Variants in USH2A observed in about 807,000 individuals in gnomAD.
The protein encoded by USH2A is usherin, also known as Usher syndrome 2A (autosomal recessive, mild).
In USH2A, 443 loss-of-function variants were observed where a neutral mutation model predicts 538.9. The ratio of observed to expected loss-of-function variants is 0.82; its 90% CI spans 0.76 to 0.89. USH2A has a LOEUF of 0.89. Ranked by LOEUF, USH2A falls within the 40% of genes least tolerant of loss-of-function variation. USH2A has a pLI of 0.00. For synonymous variants in USH2A, 2,413 were observed against 2,273.5 expected (o/e 1.06, Z -1.75); for missense variants, 6,633 against 6,324.8 (o/e 1.05, Z -1.65).
chr1:215,630,519 TATATATATGA>T (rs1252101285), intron 70 of USH2A, among the ~76,000 whole-genome samples: 46 of 107,520 alleles, frequency 4.3e-4, no homozygotes, highest in African/African-American at 1.4e-3. Flanking sequence ...TATATATATA[TATATATATGA>T]GAGAGAGAAA....
intron 4 of USH2A, among the ~76,000 whole-genome samples, chr1:216,348,302 C>A (rs985412188): frequency 6.6e-6 from 1 of 152,052 alleles, no homozygotes; most frequent in South Asian, 2.1e-4. Context: ...GTGTGCTTTC[C>A]TTTAAGGAAT....
At chr1:216,351,895 CT>C (rs1316183724) in intron 4 of USH2A, among the ~76,000 whole-genome samples, 7 of 151,878 alleles carry the variant, frequency 4.6e-5, no homozygotes, top group African/African-American at 1.7e-4. Flanking sequence ...GACTCCAAAT[CT>C]TTTTCTCTGT....
rs930672000 is a variant in USH2A, at chr1:215,773,492, GTCTCTC to G, written c.10939+6345_10939+6350del. 9.5e-5 allele frequency among the ~76,000 whole-genome samples: 8 copies of G among 84,476 alleles called. No homozygotes were observed. In the South Asian group the frequency reaches 9.9e-4, roughly 10 times the overall value. 55.4% of individuals were successfully genotyped at this position (84,476 alleles called of 152,430 possible). On this transcript the variant is annotated intron_variant, in intron 55 of 71. Coordinates refer to ENST00000307340, the MANE Select transcript of USH2A (RefSeq NM_206933.4). ...TTTACGGATGTCTCTCTGTCTCTCT[GTCTCTC>G]TCTCTCTCTCTCTGTCTCTCTCTCT...
At position 216,292,270 on chromosome 1, in the gene USH2A, T is replaced by C; in HGVS notation, c.1745A>G (p.Lys582Arg). ...TACAGAGATGTTGTAATGGCAGCTT[T>C]TGGAATGGCTGTTGCATTGACAAGG... is the stretch of plus-strand genomic sequence containing the variant. ...CKPCQCNSHS[K>R]SCHYNISVDP... Residue 582 changes from lysine to arginine, a missense_variant, in exon 10 of 72, where the codon AAA becomes AGA. By Grantham distance (26) the Lys-to-Arg change is conservative (BLOSUM62 2). Transcript: ENST00000307340. The C allele has an allele frequency of 6.2e-7, 1 of 1,614,102 alleles. No homozygotes were observed. Among genetic ancestry groups the C allele is most frequent in the Non-Finnish European group, 8.5e-7 (1 of 1,179,980 alleles).
rs1338476079 is a variant in USH2A at position 216,217,444 on chromosome 1, C to A, written c.3100G>T (p.Ala1034Ser). ...KQFVTGSKCD[A>S]CVPSASHLDV... ...AAGTGGCTTGCACTGGGAACACAAG[C>A]ATCACACTTTGAGCCAGTGACAAAT... Residue 1034 changes from alanine (A) to serine (S), a missense_variant, in exon 15 of 72, where the codon GCT (alanine) becomes TCT (serine). Transcript: ENST00000307340. 6.2e-7 allele frequency: 1 copy of A among 1,613,306 alleles called. No homozygotes were observed. The highest frequency in any genetic ancestry group is 1.7e-5 in the Admixed American group (1 of 59,934).
In USH2A at chr1:215,838,105, T is replaced by A; in HGVS notation, c.9259-2A>T. 1 of 1,611,684 alleles carries A rather than the reference T, an allele frequency of 6.2e-7. No individual in the cohort carries two copies. Among genetic ancestry groups the A allele is most frequent in the Non-Finnish European group, 8.5e-7 (1 of 1,177,830 alleles). Reference sequence around the variant, plus strand: ...GGCATATATTGTGCAGACTTCAACCTGCAAACATTAGTTTAGAAAAAATAA... The same window carrying A: ...GGCATATATTGTGCAGACTTCAACCAGCAAACATTAGTTTAGAAAAAATAA... On this transcript the variant is annotated splice_acceptor_variant, in intron 46 of 71. Transcript: ENST00000307340. LOFTEE classifies it high-confidence loss of function.
chr1:216,273,139 T>C (rs929750390), intron 11 of USH2A, among the ~76,000 whole-genome samples: 1 of 151,970 alleles, frequency 6.6e-6, no homozygotes, highest in African/African-American at 2.4e-5. Flanking sequence ...TTAGCCCCTG[T>C]GTAGGAGAAA....
intron 21 of USH2A, among the ~76,000 whole-genome samples, chr1:216,153,995 T>C (rs2033890733): frequency 6.6e-6 from 1 of 152,218 alleles, no homozygotes; most frequent in Admixed American, 6.5e-5. Flanking sequence ...TTTCTCACAG[T>C]TGAACTTAAT....
chr1:215,865,742 T>C (rs1366522267), intron 44 of USH2A, among the ~76,000 whole-genome samples: 1 of 152,232 alleles, frequency 6.6e-6, no homozygotes, highest in African/African-American at 2.4e-5. Flanking sequence ...CCTGCAGCCT[T>C]ATAAAAACCA....
At chr1:216,194,494 T>A (rs542048103) in intron 19 of USH2A, among the ~76,000 whole-genome samples, 3 of 152,162 alleles carry the variant, frequency 2.0e-5, no homozygotes, top group Admixed American at 2.0e-4. Context: ...ACCTTGACAG[T>A]ATTCTTTATA....
At chr1:215,900,984 A>T in intron 38 of USH2A, 79 bp from the exon 39 acceptor site, 1 of 1,557,154 alleles carries the variant, frequency 6.4e-7, no homozygotes, top group Admixed American at 1.7e-5. Flanking sequence ...TGCTCCATAT[A>T]CTGGAAAAAC....
intron 32 of USH2A, among the ~76,000 whole-genome samples, chr1:216,022,309 TGTG>T (rs1668861993): frequency 6.6e-6 from 1 of 152,042 alleles, no homozygotes. Flanking sequence ...GGCGTGGGGT[TGTG>T]GGGGACAGTC....
At chr1:215,848,921 G>A (rs1028389954) in intron 44 of USH2A, among the ~76,000 whole-genome samples, 1 of 152,154 alleles carries the variant, frequency 6.6e-6, no homozygotes, top group Non-Finnish European at 1.5e-5. Context: ...TCCTAAGTCA[G>A]TGAACCATCT....
At chr1:215,962,418 T>G (rs1170564237) in intron 37 of USH2A, among the ~76,000 whole-genome samples, 1 of 152,090 alleles carries the variant, frequency 6.6e-6, no homozygotes, top group Non-Finnish European at 1.5e-5. Flanking sequence ...TGGCCATTAA[T>G]AAGGAACTGG....
intron 61 of USH2A, among the ~76,000 whole-genome samples, chr1:215,716,966 C>T (rs1659505781): frequency 6.6e-6 from 1 of 152,158 alleles, no homozygotes; most frequent in African/African-American, 2.4e-5. Context: ...GTTTTTGTCT[C>T]AAACCTTCAC....
chr1:215,808,431 G>A (rs186610804), intron 49 of USH2A, among the ~76,000 whole-genome samples: 74 of 152,134 alleles, frequency 4.9e-4, no homozygotes, highest in African/African-American at 1.7e-3. Context: ...TGGAAATAGT[G>A]TTTTAAAAAT....
At chr1:216,350,407 A>G (rs952234443) in intron 4 of USH2A, among the ~76,000 whole-genome samples, 5 of 152,164 alleles carry the variant, frequency 3.3e-5, no homozygotes, top group African/African-American at 1.2e-4. Context: ...CATCTGAGAC[A>G]AGGCAATTCC....
intron 6 of USH2A, among the ~76,000 whole-genome samples, chr1:216,325,100 A>C (rs2102655389): frequency 6.6e-6 from 1 of 152,276 alleles, no homozygotes; most frequent in South Asian, 2.1e-4. Flanking sequence ...AGTAACACCA[A>C]GGGCCACCAG....
At chr1:216,088,936 A>G in intron 23 of USH2A, 77 bp downstream of exon 23, 3 of 1,580,662 alleles carry the variant, frequency 1.9e-6, no homozygotes, top group Non-Finnish European at 2.6e-6. Context: ...ATAAGAATGT[A>G]GGAATATAAA....
Sources: allele counts gnomAD v4.1 joint callset (sites outside exome capture counted in the v4.1 genomes callset), GRCh38; gene constraint gnomAD v4.1.1; transcripts MANE v1.5; gene names NCBI Gene and HGNC (gene_info 2026-07-23, HGNC 2026-07-21).